Variants in TRDN observed in about 807,000 individuals in gnomAD.
TRDN encodes triadin in skeletal muscle.
TRDN carries 161 observed loss-of-function variants against 149.7 expected under a neutral mutation model. The observed-to-expected ratio is 1.08, with a 90% CI of 0.95 to 1.23. The LOEUF (loss-of-function observed/expected upper bound fraction) is 1.23, where lower values mean the gene tolerates loss of function less well. Among genes scored for constraint, TRDN ranks in the 50% most tolerant of loss-of-function variants. The pLI is 0.00. For missense variants in TRDN, 896 were observed against 823.5 expected (o/e 1.09, Z -1.08); for synonymous variants, 294 against 250.5 (o/e 1.17, Z -1.64).
At chr6:123,319,599 A>T (rs552304898) in intron 23 of TRDN, among the ~76,000 whole-genome samples, 1 of 152,272 alleles carries the variant, frequency 6.6e-6, no homozygotes, top group South Asian at 2.1e-4. Flanking sequence ...CCAGAGAGAC[A>T]GCAGGCGAGC....
chr6:123,538,634 T>G (rs1015118906), intron 4 of TRDN, among the ~76,000 whole-genome samples: 1 of 152,134 alleles, frequency 6.6e-6, no homozygotes, highest in African/African-American at 2.4e-5. Context: ...CTTTCAGAGA[T>G]GTTGAAGCCC....
chr6:123,467,768 T>C (rs1439063667), intron 9 of TRDN, among the ~76,000 whole-genome samples: 1 of 152,100 alleles, frequency 6.6e-6, no homozygotes, highest in African/African-American at 2.4e-5. Flanking sequence ...GGTGAATGAA[T>C]ACATTATATA....
intron 9 of TRDN, among the ~76,000 whole-genome samples, chr6:123,466,419 C>T (rs914273213): frequency 2.6e-5 from 4 of 152,122 alleles, no homozygotes; most frequent in African/African-American, 9.7e-5. Flanking sequence ...GTTTTTAAAA[C>T]TGAGGTTAAC....
chr6:123,621,899 T>C (rs551138310), intron 1 of TRDN, among the ~76,000 whole-genome samples: 1 of 152,160 alleles, frequency 6.6e-6, no homozygotes, highest in African/African-American at 2.4e-5. Context: ...GTGCTGGAAA[T>C]AGTTCCCTGA....
chr6:123,407,460 G>A lies in TRDN; in HGVS notation c.1052-13783C>T, dbSNP rs1333097017. 3.9e-5 allele frequency among the ~76,000 whole-genome samples: 6 copies of A among 152,064 alleles called. No homozygotes were observed. The East Asian group carries it at 1.2e-3, about 30-fold the overall frequency. ...TAGTGCAATTGTTTTCTCCCTCCTTGGGGCCAACATAGTGCTTCACCAGGA... is the reference window on the plus strand; with the variant it reads ...TAGTGCAATTGTTTTCTCCCTCCTTAGGGCCAACATAGTGCTTCACCAGGA... On this transcript the variant is annotated intron_variant, in intron 12 of 40. Coordinates refer to ENST00000334268, the MANE Select transcript of TRDN (RefSeq NM_006073.4).
chr6:123,265,743 T>C (rs1303491412), intron 32 of TRDN, among the ~76,000 whole-genome samples: 2 of 147,688 alleles, frequency 1.4e-5, no homozygotes, highest in East Asian at 3.9e-4. Flanking sequence ...TATTAATTTA[T>C]ACTAATAATA....
intron 1 of TRDN, among the ~76,000 whole-genome samples, chr6:123,635,353 A>AG (rs1786253768): frequency 8.0e-6 from 1 of 124,508 alleles, no homozygotes; most frequent in African/African-American, 3.7e-5. Context: ...CACACACACA[A>AG]ACAAGATTTA....
intron 12 of TRDN, among the ~76,000 whole-genome samples, chr6:123,406,328 AAC>A (rs1334806529): frequency 6.6e-6 from 1 of 152,168 alleles, no homozygotes; most frequent in East Asian, 1.9e-4. Flanking sequence ...TAAATTTTTA[AAC>A]ACAGTGTTTA....
chr6:123,536,266 T>A (rs369464463), intron 4 of TRDN, among the ~76,000 whole-genome samples: 1 of 152,130 alleles, frequency 6.6e-6, no homozygotes, highest in Non-Finnish European at 1.5e-5. Context: ...ATGCCTAACA[T>A]GATGACTGGA....
intron 9 of TRDN, chr6:123,470,230 A>G (rs1049299850): frequency 6.6e-6 from 1 of 152,154 alleles, no homozygotes; most frequent in Non-Finnish European, 1.5e-5. Flanking sequence ...TGAGGATACA[A>G]TAATGTATAT....
At chr6:123,620,083 G>T (rs1346058231) in intron 1 of TRDN, among the ~76,000 whole-genome samples, 1 of 152,100 alleles carries the variant, frequency 6.6e-6, no homozygotes, top group African/African-American at 2.4e-5. Flanking sequence ...ATCATGAAAA[G>T]AATCCTCTGT....
chr6:123,485,405 A>T (rs978434935), intron 9 of TRDN, among the ~76,000 whole-genome samples: 1 of 152,032 alleles, frequency 6.6e-6, no homozygotes, highest in Non-Finnish European at 1.5e-5. Flanking sequence ...TGATCATCAA[A>T]TTTTTTTTCA....
At chr6:123,469,439 CAT>C (rs748565972) in intron 9 of TRDN, among the ~76,000 whole-genome samples, 7 of 152,144 alleles carry the variant, frequency 4.6e-5, no homozygotes, top group Non-Finnish European at 7.3e-5. Flanking sequence ...AATTGCCACT[CAT>C]ATAATAATCA....
intron 2 of TRDN, among the ~76,000 whole-genome samples, chr6:123,555,789 T>G (rs1015763343): frequency 7.9e-5 from 12 of 152,162 alleles, no homozygotes; most frequent in African/African-American, 2.7e-4. Flanking sequence ...GGGGAAGAAC[T>G]GACTAACTGA....
intron 1 of TRDN, among the ~76,000 whole-genome samples, chr6:123,632,540 G>A (rs1203326111): frequency 6.6e-6 from 1 of 151,958 alleles, no homozygotes; most frequent in Non-Finnish European, 1.5e-5. Context: ...CACCATCGTG[G>A]TACTCCTCTT....
At chr6:123,393,339 G>T (rs1772583700) in intron 13 of TRDN, among the ~76,000 whole-genome samples, 1 of 151,904 alleles carries the variant, frequency 6.6e-6, no homozygotes, top group African/African-American at 2.4e-5. Context: ...GCACATCAAT[G>T]GATTATTTTT....
chr6:123,404,422 CTG>C (rs927712953), intron 12 of TRDN, among the ~76,000 whole-genome samples: 1 of 152,022 alleles, frequency 6.6e-6, no homozygotes, highest in Non-Finnish European at 1.5e-5. Flanking sequence ...ATTTTAGAGA[CTG>C]TGGACTTTTT....
At chr6:123,251,992 T>A (rs1776392130) in intron 38 of TRDN, among the ~76,000 whole-genome samples, 1 of 152,076 alleles carries the variant, frequency 6.6e-6, no homozygotes, top group Non-Finnish European at 1.5e-5. Flanking sequence ...GTTTCTTAGA[T>A]ACACAATTTT....
rs1300825758 is a variant in TRDN, at chr6:123,418,843, C to T, written c.1051+19220G>A. ...CATTCTGTTTCACTGCTCATGGCTG[C>T]TTTTTTTATGAGCCTTGATGAGTGT... On this transcript the variant is annotated intron_variant, in intron 12 of 40. Coordinates refer to ENST00000334268, the MANE Select transcript of TRDN (RefSeq NM_006073.4). Among the ~76,000 whole-genome samples the T allele has an allele frequency of 2.0e-5, 3 of 152,190 alleles. No homozygotes were observed. The South Asian group carries it at 6.2e-4, about 32-fold the overall frequency.
Sources: allele counts gnomAD v4.1 joint callset (sites outside exome capture counted in the v4.1 genomes callset), GRCh38; gene constraint gnomAD v4.1.1; transcripts MANE v1.5; gene names NCBI Gene and HGNC (gene_info 2026-07-23, HGNC 2026-07-21).